Variants in SNAP25 observed in about 807,000 individuals in gnomAD.
The protein encoded by SNAP25 is synaptosomal-associated protein 25.
SNAP25 carries 3 observed loss-of-function variants against 28.7 expected under a neutral mutation model. The observed-to-expected ratio is 0.10, with a 90% CI of 0.05 to 0.27. The LOEUF (loss-of-function observed/expected upper bound fraction) is 0.27. Ranked by LOEUF, SNAP25 falls within the 10% of genes least tolerant of loss-of-function variation. SNAP25 has a pLI of 1.00. For missense variants in SNAP25, 117 were observed against 278.7 expected, an observed-to-expected ratio of 0.42 and a Z score of 4.13; for synonymous variants, 61 against 88.1, an observed-to-expected ratio of 0.69 and a Z score of 1.72.
intron 1 of SNAP25, among the ~76,000 whole-genome samples, chr20:10,251,833 T>G (rs1226725615): frequency 6.6e-6 from 1 of 152,188 alleles, no homozygotes; most frequent in Non-Finnish European, 1.5e-5. Context: ...AAAGTGAATT[T>G]ATGGAAATTT....
chr20:10,300,201 G>A (rs936573393), intron 7 of SNAP25, among the ~76,000 whole-genome samples: 1 of 151,964 alleles, frequency 6.6e-6, no homozygotes, highest in Admixed American at 6.6e-5. Flanking sequence ...GTGGGTTTGG[G>A]GGCTTAAAAT....
In SNAP25 at chr20:10,265,650, C is replaced by T. The variant is rs59547313; in HGVS notation, c.-63-9779C>T. 9.7e-4 allele frequency among the ~76,000 whole-genome samples: 147 copies of T among 152,234 alleles called. 1 individual carries two copies. Among genetic ancestry groups the T allele is most frequent in the African/African-American group, 3.4e-3 (141 of 41,544 alleles). On this transcript the variant is annotated intron_variant, in intron 1 of 7. Coordinates refer to ENST00000254976, the MANE Select transcript of SNAP25 (RefSeq NM_130811.4). ...CATTAGGAGACTCAGAACCCATGGC[C>T]CCGTGGAGCTTTCAGTCAGCTTGGG...
chr20:10,232,868 T>C (rs1045730738), intron 1 of SNAP25, among the ~76,000 whole-genome samples: 6 of 152,220 alleles, frequency 3.9e-5, no homozygotes, highest in Non-Finnish European at 7.3e-5. Context: ...CCAAATCATC[T>C]GTGGGCTCAA....
At chr20:10,241,348 C>T (rs1180437066) in intron 1 of SNAP25, among the ~76,000 whole-genome samples, 4 of 152,086 alleles carry the variant, frequency 2.6e-5, no homozygotes, top group Non-Finnish European at 5.9e-5. Context: ...TTGCAGCCCC[C>T]GGGTCCATCA....
intron 6 of SNAP25, among the ~76,000 whole-genome samples, chr20:10,298,312 C>T (rs362999): frequency 0.11 from 16,836 of 152,140 alleles, 1,187 homozygotes; most frequent in East Asian, 0.19. Context: ...AGGAAAAAGC[C>T]AGAAAGTTCT....
chr20:10,242,025 C>G (rs191180236), intron 1 of SNAP25, among the ~76,000 whole-genome samples: 252 of 152,234 alleles, frequency 1.7e-3, no homozygotes, highest in Non-Finnish European at 3.1e-3. Context: ...CTAGGGGATC[C>G]CTACTGGACA....
intron 1 of SNAP25, among the ~76,000 whole-genome samples, chr20:10,275,024 A>G (rs183732897): frequency 7.6e-4 from 116 of 151,842 alleles, no homozygotes; most frequent in Non-Finnish European, 1.4e-3. Context: ...TACACTTCAA[A>G]TATGTGGGGT....
intron 1 of SNAP25, among the ~76,000 whole-genome samples, chr20:10,274,473 C>T (rs1324470294): frequency 6.6e-6 from 1 of 152,070 alleles, no homozygotes. Flanking sequence ...TGAAAGAAGG[C>T]AGACAAAAAG....
chr20:10,296,154 C>T (rs1024504408), intron 5 of SNAP25: 3 of 152,168 alleles, frequency 2.0e-5, no homozygotes, highest in Admixed American at 1.3e-4. Flanking sequence ...ATGAAGAAGA[C>T]GTAGAGGGGT....
intron 1 of SNAP25, among the ~76,000 whole-genome samples, chr20:10,228,777 A>T (rs1467183367): frequency 6.6e-6 from 1 of 152,152 alleles, no homozygotes; most frequent in Non-Finnish European, 1.5e-5. Flanking sequence ...TGTTATGTTC[A>T]GTTACCTGCT....
At chr20:10,232,394 T>G (rs986017443) in intron 1 of SNAP25, among the ~76,000 whole-genome samples, 3 of 152,206 alleles carry the variant, frequency 2.0e-5, no homozygotes, top group Non-Finnish European at 4.4e-5. Context: ...GAAGAACCAG[T>G]TGCAAAGCAG....
intron 4 of SNAP25, among the ~76,000 whole-genome samples, chr20:10,292,582 A>G (rs2064022405): frequency 6.6e-6 from 1 of 151,864 alleles, no homozygotes; most frequent in African/African-American, 2.4e-5. Context: ...TTTCTCCTGG[A>G]TTTCACTGGT....
At chr20:10,263,579 G>A (rs897398572) in intron 1 of SNAP25, among the ~76,000 whole-genome samples, 2 of 152,182 alleles carry the variant, frequency 1.3e-5, no homozygotes, top group African/African-American at 4.8e-5. Context: ...GCACTCCTGA[G>A]AGGAATCATT....
chr20:10,222,116 C>T (rs186463548), intron 1 of SNAP25, among the ~76,000 whole-genome samples: 7 of 152,288 alleles, frequency 4.6e-5, no homozygotes, highest in South Asian at 2.1e-4. Context: ...CGGTATTCAC[C>T]GGATACAGAA....
intron 1 of SNAP25, among the ~76,000 whole-genome samples, chr20:10,232,474 CT>C (rs1246357386): frequency 6.6e-6 from 1 of 152,206 alleles, no homozygotes; most frequent in East Asian, 1.9e-4. Flanking sequence ...GGTAAAATCT[CT>C]GCTGCTTTGG....
rs363005 is a variant in SNAP25, at chr20:10,299,182, C to T, written c.408-86C>T. The T allele has an allele frequency of 5.4e-3, 7,896 of 1,462,492 alleles. 34 individuals carry two copies. Among genetic ancestry groups the T allele is most frequent in the Non-Finnish European group, 5.9e-3 (6,385 of 1,075,500 alleles). 90.6% of individuals were successfully genotyped at this position (1,462,492 alleles called of 1,614,324 possible). ...ATAGATAAAGTTGATGCCCAGAGGA[C>T]GACAGATTTCCACTATGCTTTGGGT... On this transcript the variant is annotated intron_variant, in intron 6 of 7. Coordinates refer to ENST00000254976, the MANE Select transcript of SNAP25 (RefSeq NM_130811.4).
chr20:10,305,486 G>A (rs1363296558), intron 7 of SNAP25, among the ~76,000 whole-genome samples: 3 of 152,122 alleles, frequency 2.0e-5, no homozygotes, highest in African/African-American at 7.2e-5. Flanking sequence ...AGGGTGCAAT[G>A]AGCTATGATC....
At chr20:10,240,349 T>C (rs2063003710) in intron 1 of SNAP25, among the ~76,000 whole-genome samples, 1 of 152,206 alleles carries the variant, frequency 6.6e-6, no homozygotes, top group Non-Finnish European at 1.5e-5. Flanking sequence ...GGCAATCTCC[T>C]TTTTTACTTA....
intron 7 of SNAP25, among the ~76,000 whole-genome samples, chr20:10,304,970 A>T (rs1481156318): frequency 1.3e-5 from 2 of 152,230 alleles, no homozygotes; most frequent in Non-Finnish European, 2.9e-5. Flanking sequence ...TTATACAATT[A>T]TGATTTAATA....
Sources: allele counts gnomAD v4.1 joint callset (sites outside exome capture counted in the v4.1 genomes callset), GRCh38; gene constraint gnomAD v4.1.1; transcripts MANE v1.5; gene names NCBI Gene and HGNC (gene_info 2026-07-23, HGNC 2026-07-21).